Variants in MIPOL1 observed in about 807,000 individuals in gnomAD.
MIPOL1 encodes mirror-image polydactyly gene 1 protein.
MIPOL1 carries 57 observed loss-of-function variants against 60.9 expected under a neutral mutation model. That is an observed-to-expected ratio of 0.94 (90% confidence interval 0.76 to 1.17). The LOEUF (loss-of-function observed/expected upper bound fraction) is 1.17, where lower values mean the gene tolerates loss of function less well. Among genes scored for constraint, MIPOL1 ranks in the 50% most tolerant of loss-of-function variants. MIPOL1 has a pLI of 0.00. For missense variants in MIPOL1, 551 were observed against 511.6 expected (o/e 1.08, Z -0.74); for synonymous variants, 179 against 168.8 (o/e 1.06, Z -0.47).
chr14:37,492,193 G>T (rs2095056954), intron 11 of MIPOL1, among the ~76,000 whole-genome samples: 1 of 152,102 alleles, frequency 6.6e-6, no homozygotes. Context: ...TAGTAAACCA[G>T]GAAATAAAAG....
chr14:37,467,275 A>G (rs1352746674), intron 11 of MIPOL1, among the ~76,000 whole-genome samples: 1 of 152,210 alleles, frequency 6.6e-6, no homozygotes, highest in East Asian at 1.9e-4. Context: ...AAAACTGCTG[A>G]AAAATATAAT....
chr14:37,386,540 A>G (rs1164621174), intron 10 of MIPOL1, among the ~76,000 whole-genome samples: 1 of 151,928 alleles, frequency 6.6e-6, no homozygotes, highest in African/African-American at 2.4e-5. Context: ...GCAAATGTCG[A>G]GTCTTCTCCC....
chr14:37,521,900 A>ATATATG (rs1555367657), intron 12 of MIPOL1, among the ~76,000 whole-genome samples: 4 of 32,720 alleles, frequency 1.2e-4, no homozygotes, highest in South Asian at 1.4e-3. Flanking sequence ...AAAAATATAT[A>ATATATG]TATATATATA....
At chr14:37,280,675 T>C (rs1478655040) in intron 6 of MIPOL1, among the ~76,000 whole-genome samples, 1 of 152,210 alleles carries the variant, frequency 6.6e-6, no homozygotes, top group Non-Finnish European at 1.5e-5. Flanking sequence ...TTATTTAGTT[T>C]TGAGACTGAG....
At chr14:37,322,519 A>T (rs1256189744) in intron 9 of MIPOL1, among the ~76,000 whole-genome samples, 1 of 151,958 alleles carries the variant, frequency 6.6e-6, no homozygotes, top group African/African-American at 2.4e-5. Context: ...TAAAACTTGT[A>T]CTTGGCTCAG....
rs1019794028 is a variant in MIPOL1 at position 37,298,418 on chromosome 14, A to C, written c.624-9638A>C. Reference sequence around the variant, plus strand: ...AAGGACTTCATGTTTAAAACACCAAAAGCAATGGCAACAAAAGCCAAAATT... The same window carrying C: ...AAGGACTTCATGTTTAAAACACCAACAGCAATGGCAACAAAAGCCAAAATT... On this transcript the variant is annotated intron_variant, in intron 7 of 12. Coordinates refer to ENST00000684589, the MANE Select transcript of MIPOL1 (RefSeq NM_001388067.1). Among the ~76,000 whole-genome samples the C allele has an allele frequency of 2.0e-5, 3 of 152,324 alleles. No homozygotes were observed. In the East Asian group the frequency reaches 5.8e-4, roughly 29 times the overall value.
intron 10 of MIPOL1, among the ~76,000 whole-genome samples, chr14:37,389,605 C>T (rs1163684841): frequency 1.3e-5 from 2 of 150,030 alleles, no homozygotes; most frequent in African/African-American, 2.5e-5. Context: ...AGTAAGAAGA[C>T]TAGAGAGACT....
chr14:37,473,959 TC>T (rs1016737473), intron 11 of MIPOL1, among the ~76,000 whole-genome samples: 1 of 152,218 alleles, frequency 6.6e-6, no homozygotes, highest in Non-Finnish European at 1.5e-5. Flanking sequence ...CAACTACTGA[TC>T]TTTTTAATGT....
intron 3 of MIPOL1, among the ~76,000 whole-genome samples, chr14:37,263,567 C>T (rs886877461): frequency 6.6e-6 from 1 of 152,072 alleles, no homozygotes; most frequent in Non-Finnish European, 1.5e-5. Context: ...AAACAGTGTG[C>T]CCACAGAAAA....
intron 10 of MIPOL1, among the ~76,000 whole-genome samples, chr14:37,414,231 A>G (rs1045425270): frequency 2.6e-5 from 4 of 152,308 alleles, no homozygotes; most frequent in African/African-American, 9.6e-5. Context: ...TATTTTCATA[A>G]TAGGCCATCC....
At chr14:37,212,831 TTA>T (rs1298519637) in intron 1 of MIPOL1, among the ~76,000 whole-genome samples, 4 of 152,162 alleles carry the variant, frequency 2.6e-5, no homozygotes, top group Non-Finnish European at 2.9e-5. Flanking sequence ...ACAGGGATAC[TTA>T]TGTCACTTTA....
chr14:37,371,326 G>GC (rs1302900992), intron 10 of MIPOL1, among the ~76,000 whole-genome samples: 1 of 151,926 alleles, frequency 6.6e-6, no homozygotes, highest in Non-Finnish European at 1.5e-5. Context: ...CACTATGTTG[G>GC]CCAGGCTGGA....
At chr14:37,350,460 T>C (rs1009756024) in intron 9 of MIPOL1, among the ~76,000 whole-genome samples, 2 of 152,070 alleles carry the variant, frequency 1.3e-5, no homozygotes, top group African/African-American at 4.8e-5. Context: ...TTTTAATTTT[T>C]AATTTTTGTG....
chr14:37,260,507 A>G (rs1254357303), intron 3 of MIPOL1, among the ~76,000 whole-genome samples: 1 of 152,182 alleles, frequency 6.6e-6, no homozygotes, highest in Non-Finnish European at 1.5e-5. Flanking sequence ...TGAACACATT[A>G]TAGAAGAATA....
At chr14:37,305,051 A>G (rs1250046606) in intron 7 of MIPOL1, among the ~76,000 whole-genome samples, 1 of 151,816 alleles carries the variant, frequency 6.6e-6, no homozygotes, top group East Asian at 1.9e-4. Context: ...AGTAAACCTT[A>G]GTACCTTCCC....
chr14:37,475,874 T>C (rs892545258), intron 11 of MIPOL1, among the ~76,000 whole-genome samples: 1 of 152,182 alleles, frequency 6.6e-6, no homozygotes, highest in Admixed American at 6.5e-5. Context: ...TCCAATATTG[T>C]TCTCCTTATA....
At position 37,546,944 on chromosome 14, in the gene MIPOL1, A is replaced by C; in HGVS notation, c.1302A>C (p.Gly434=). ...TGGATGTACTGAGGAAGAAGGTTGGAACCGGGACCATGAGGACAGTGATCT... is the reference window on the plus strand; with the variant it reads ...TGGATGTACTGAGGAAGAAGGTTGGCACCGGGACCATGAGGACAGTGATCT... ...RLVDVLRKKV[G]TGTMRTVI Residue 434 remains glycine, a synonymous_variant, in exon 13 of 13, where the codon GGA becomes GGC. Coordinates refer to ENST00000684589, the MANE Select transcript of MIPOL1 (RefSeq NM_001388067.1). 1 of 1,613,804 alleles carries C rather than the reference A, an allele frequency of 6.2e-7. No homozygotes were observed. The highest frequency in any genetic ancestry group is 8.5e-7 in the Non-Finnish European group (1 of 1,179,846).
intron 12 of MIPOL1, chr14:37,503,314 A>G (rs1468063633): frequency 1.3e-5 from 2 of 152,196 alleles, no homozygotes; most frequent in African/African-American, 2.4e-5. Context: ...CATAATTGTC[A>G]AATTCACCAA....
chr14:37,316,473 T>G (rs931079522), intron 9 of MIPOL1, among the ~76,000 whole-genome samples: 1 of 152,032 alleles, frequency 6.6e-6, no homozygotes, highest in Admixed American at 6.6e-5. Flanking sequence ...GTTGGAGTGT[T>G]TGAGGAGAAA....
Sources: allele counts gnomAD v4.1 joint callset (sites outside exome capture counted in the v4.1 genomes callset), GRCh38; gene constraint gnomAD v4.1.1; transcripts MANE v1.5; gene names NCBI Gene and HGNC (gene_info 2026-07-23, HGNC 2026-07-21).